FHAD1: variants seen among roughly 807,000 people sequenced by gnomAD.
FHAD1 encodes the protein forkhead associated phosphopeptide binding domain 1, also known as forkhead-associated domain-containing protein 1.
FHAD1 carries 146 observed loss-of-function variants against 191.3 expected under a neutral mutation model. The ratio of observed to expected loss-of-function variants is 0.76; its 90% confidence interval spans 0.67 to 0.88. The LOEUF is 0.88. FHAD1 is among the 40% of genes least tolerant of loss of function. The probability of loss-of-function intolerance (pLI) is 0.00; values close to 1 mark genes in which losing one functional copy is unlikely to be tolerated. For synonymous variants in FHAD1, 616 were observed against 672.3 expected (o/e 0.92, Z 1.29); for missense variants, 1,635 against 1,785.8 (o/e 0.92, Z 1.52).
Position 15,365,902 on chromosome 1 carries a change from C to G in FHAD1, c.3123C>G (p.Thr1041=). The G allele has an allele frequency of 6.4e-7, 1 of 1,551,352 alleles. No homozygotes were observed. Among genetic ancestry groups the G allele is most frequent in the Non-Finnish European group, 8.7e-7 (1 of 1,146,762 alleles). Residue 1041 remains threonine, a synonymous_variant, in exon 24 of 34, where the codon ACC becomes ACG. Transcript: ENST00000688493. Reference sequence around the variant, plus strand: ...TCATGAAGTTAAGGAAAGACCTTACCGAAGCCCACAGCAGAATGTCGGATT... The same window carrying G: ...TCATGAAGTTAAGGAAAGACCTTACGGAAGCCCACAGCAGAATGTCGGATT... ...EVIMKLRKDL[T]EAHSRMSDLR...
rs1226379025 is a variant in FHAD1 at position 15,380,671 on chromosome 1, G to A, written c.3706-30G>A. 3.3e-6 allele frequency: 5 copies of A among 1,511,052 alleles called. No homozygotes were observed. In the African/African-American group the frequency reaches 5.5e-5, roughly 17 times the overall value. 93.6% of individuals were successfully genotyped at this position (1,511,052 alleles called of 1,614,324 possible). On this transcript the variant is annotated intron_variant, in intron 28 of 33. Transcript: ENST00000688493. The stretch of plus-strand genomic sequence containing the variant: ...ATAGAAAGTCATAATGGAATGTCAA[G>A]AGAGGCCTTTCATTTCTTTCTGATT...
In FHAD1 at chr1:15,374,854, T is replaced by C. The variant is rs76821031; in HGVS notation, c.3577+223T>C. 6.9e-5 allele frequency among the ~76,000 whole-genome samples: 9 copies of C among 130,024 alleles called. No homozygotes were observed. In the South Asian group the frequency reaches 1.5e-3, roughly 22 times the overall value. The allele number at this position is 130,024 out of a possible 152,430, so 85.3% of individuals were successfully genotyped here. On this transcript the variant is annotated intron_variant, in intron 27 of 33. Coordinates refer to ENST00000688493, the MANE Select transcript of FHAD1 (RefSeq NM_001391957.1). ...GCATAACTCACTATTGTACGTTTTT[T>C]TTTTTGTTTGTTTTTTTTTTTTGAG...
chr1:15,371,467 G>A (rs1698069862), intron 26 of FHAD1, among the ~76,000 whole-genome samples: 1 of 152,184 alleles, frequency 6.6e-6, no homozygotes, highest in South Asian at 2.1e-4. Context: ...GTGGGTCAGA[G>A]GGCTTAAGAG....
At chr1:15,366,655 T>A (rs991150187) in intron 24 of FHAD1, among the ~76,000 whole-genome samples, 4 of 152,198 alleles carry the variant, frequency 2.6e-5, no homozygotes, top group African/African-American at 4.8e-5. Flanking sequence ...CCAGGCCTTC[T>A]CTTCCTCAGA....
intron 6 of FHAD1, among the ~76,000 whole-genome samples, chr1:15,304,677 G>T (rs964421161): frequency 2.0e-5 from 3 of 152,090 alleles, no homozygotes; most frequent in Non-Finnish European, 4.4e-5. Context: ...CCAAGTTTCC[G>T]AAGTGGAGAC....
chr1:15,307,585 T>C (rs747259818), intron 6 of FHAD1, among the ~76,000 whole-genome samples: 2 of 152,230 alleles, frequency 1.3e-5, no homozygotes, highest in Non-Finnish European at 2.9e-5. Context: ...TTTCTCATGC[T>C]GTTCTAGTTA....
chr1:15,393,430 GCACACA>G (rs57536175), intron 33 of FHAD1, among the ~76,000 whole-genome samples: 4 of 146,842 alleles, frequency 2.7e-5, no homozygotes, highest in East Asian at 2.0e-4. Context: ...ACACACACAC[GCACACA>G]CACACACACA....
At chr1:15,367,352 C>T in intron 24 of FHAD1, 111 bp from the exon 25 acceptor site, 1 of 1,225,180 alleles carries the variant, frequency 8.2e-7, no homozygotes, top group East Asian at 2.6e-5. Flanking sequence ...AAAAATTAGC[C>T]AGTCGTGGTG....
At chr1:15,362,014 A>C (rs1405339238) in intron 22 of FHAD1, among the ~76,000 whole-genome samples, 1 of 148,652 alleles carries the variant, frequency 6.7e-6, no homozygotes, top group South Asian at 2.1e-4. Flanking sequence ...AAAAAAAAAA[A>C]AAGAAAGAGA....
chr1:15,376,839 C>G (rs1488770652), intron 28 of FHAD1, among the ~76,000 whole-genome samples: 1 of 152,158 alleles, frequency 6.6e-6, no homozygotes, highest in African/African-American at 2.4e-5. Context: ...AGCTTGAGAC[C>G]AGCCTGGGAA....
chr1:15,374,864 GT>G (rs1553314216), intron 27 of FHAD1, among the ~76,000 whole-genome samples: 13 of 73,086 alleles, frequency 1.8e-4, no homozygotes, highest in South Asian at 1.2e-3. Context: ...TTTTTTGTTT[GT>G]TTTTTTTTTT....
intron 23 of FHAD1, chr1:15,363,620 CAG>C (rs941245704): frequency 1.6e-5 from 6 of 367,930 alleles, no homozygotes; most frequent in African/African-American, 1.1e-4. Context: ...ATTAAGCAGA[CAG>C]AGATTTCAAA....
upstream of FHAD1, chr1:15,247,192 T>A (rs1269202901): frequency 6.1e-5 from 9 of 148,336 alleles, no homozygotes; most frequent in Non-Finnish European, 1.4e-4. Flanking sequence ...CGCCCTCATC[T>A]ATTAGGCTGG....
intron 33 of FHAD1, among the ~76,000 whole-genome samples, chr1:15,395,077 G>A (rs937447404): frequency 6.6e-6 from 1 of 152,148 alleles, no homozygotes; most frequent in African/African-American, 2.4e-5. Context: ...ACTTTGGGAG[G>A]CCGAGATGGG....
chr1:15,324,366 A>G, intron 10 of FHAD1, 86 bp from the exon 11 acceptor site: 6 of 1,081,114 alleles, frequency 5.5e-6, no homozygotes, highest in Non-Finnish European at 8.3e-6. Context: ...GGGACCCCCC[A>G]CGGCCATTAG....
At chr1:15,308,173 T>G (rs558251) in intron 6 of FHAD1, among the ~76,000 whole-genome samples, 1 of 152,212 alleles carries the variant, frequency 6.6e-6, no homozygotes, top group Non-Finnish European at 1.5e-5. Context: ...GCTTTGTAGG[T>G]TCTAGAGTGT....
At chr1:15,324,273 C>T (rs1406248817) in intron 10 of FHAD1, among the ~76,000 whole-genome samples, 179 bp from the exon 11 acceptor site, 1 of 151,984 alleles carries the variant, frequency 6.6e-6, no homozygotes, top group East Asian at 1.9e-4. Context: ...TTTCCCCCAA[C>T]GGACAGTGCC....
At chr1:15,292,400 C>A (rs567634638) in intron 4 of FHAD1, among the ~76,000 whole-genome samples, 2 of 152,314 alleles carry the variant, frequency 1.3e-5, no homozygotes, top group African/African-American at 4.8e-5. Context: ...GTGGCACGAT[C>A]TCGGCTTACA....
intron 31 of FHAD1, chr1:15,384,076 TGTGTTGCCTGCCTGA>T (rs1701557633): frequency 1.2e-5 from 2 of 173,602 alleles, no homozygotes; most frequent in African/African-American, 4.8e-5. Flanking sequence ...TGTGTTTGTG[TGTGTTGCCTGCCTGA>T]GCTCAGAGAG....
Sources: gnomAD v4.1 joint callset for allele counts (sites outside exome capture counted in the v4.1 genomes callset) on GRCh38, gnomAD v4.1.1 for gene constraint, MANE v1.5 for transcripts, NCBI Gene and HGNC (gene_info 2026-07-23, HGNC 2026-07-21) for gene names.